CCBE1: variants seen among roughly 807,000 people sequenced by gnomAD.
The protein encoded by CCBE1 is collagen and calcium binding EGF domains 1.
CCBE1 carries 37 observed loss-of-function variants against 50.0 expected under a neutral mutation model. The ratio of observed to expected loss-of-function variants is 0.74; its 90% CI spans 0.57 to 0.97. The LOEUF is 0.97. Ranked by LOEUF, CCBE1 falls within the 50% of genes least tolerant of loss-of-function variation. The probability of loss-of-function intolerance (pLI) is 0.00; values close to 1 mark genes in which losing one functional copy is unlikely to be tolerated. For missense variants in CCBE1, 538 were observed against 523.8 expected, an observed-to-expected ratio of 1.03 and a Z score of -0.26; for synonymous variants, 234 against 203.7, an observed-to-expected ratio of 1.15 and a Z score of -1.27.
At chr18:59,466,953 TG>T in intron 4 of CCBE1, 62 bp from the exon 5 acceptor site, 1 of 1,434,358 alleles carries the variant, frequency 7.0e-7, no homozygotes, top group African/African-American at 1.4e-5. Flanking sequence ...ATACAACAGA[TG>T]ACATTGGGCT....
chr18:59,537,492 C>T (rs746205760), intron 2 of CCBE1, among the ~76,000 whole-genome samples: 10 of 152,302 alleles, frequency 6.6e-5, no homozygotes, highest in South Asian at 2.1e-4. Flanking sequence ...AAAACCCTTT[C>T]GCTTGGCTCT....
chr18:59,491,319 C>G (rs1022288380), intron 2 of CCBE1, among the ~76,000 whole-genome samples: 2 of 152,220 alleles, frequency 1.3e-5, no homozygotes, highest in African/African-American at 4.8e-5. Flanking sequence ...ATTGCTCCCC[C>G]ACCTTTTTCC....
At chr18:59,575,603 A>G (rs1199079279) in intron 2 of CCBE1, among the ~76,000 whole-genome samples, 1 of 152,234 alleles carries the variant, frequency 6.6e-6, no homozygotes, top group Non-Finnish European at 1.5e-5. Flanking sequence ...GCAAGAGAAT[A>G]AAGACCAGTT....
At chr18:59,459,165 G>A (rs1300723669) in intron 5 of CCBE1, 6 of 152,052 alleles carry the variant, frequency 3.9e-5, no homozygotes, top group South Asian at 2.1e-4. Flanking sequence ...ATTTATTGTC[G>A]GTATTACTAT....
chr18:59,477,939 A>T lies in CCBE1; in HGVS notation c.265+2247T>A, dbSNP rs958917315. ...GGCCAAAGTGTCCAAATATTAGGTC[A>T]AACATTATTCTACGTGCTTCTGTGA... On this transcript the variant is annotated intron_variant, in intron 3 of 10. Coordinates refer to ENST00000439986, the MANE Select transcript of CCBE1 (RefSeq NM_133459.4). Among the ~76,000 whole-genome samples the T allele has an allele frequency of 2.3e-4, 35 of 152,220 alleles. 1 individual carries two copies. The highest frequency in any genetic ancestry group is 1.0e-4 in the Non-Finnish European group (7 of 68,042).
At position 59,435,073 on chromosome 18, in the gene CCBE1, A is replaced by T. The variant is rs542982078; in HGVS notation, c.*835T>A. ...ATTTATAGAGCAGACTCCACTGTTG[A>T]TTAAACAGCTTTAAAATATTATAGC... is the stretch of plus-strand genomic sequence containing the variant. On this transcript the variant is annotated 3_prime_UTR_variant, in exon 11 of 11. Transcript: ENST00000439986. The T allele has an allele frequency of 3.1e-4, 47 of 152,356 alleles. 1 individual carries two copies. The highest frequency in any genetic ancestry group is 1.1e-3 in the African/African-American group (46 of 41,582). The allele number at this position is 152,356 out of a possible 1,614,324, so 9.4% of individuals were successfully genotyped here.
chr18:59,583,438 G>T (rs907607491), intron 2 of CCBE1, among the ~76,000 whole-genome samples: 1 of 152,148 alleles, frequency 6.6e-6, no homozygotes, highest in Non-Finnish European at 1.5e-5. Flanking sequence ...CTTCTCCTGG[G>T]GGTAGGAGGA....
chr18:59,562,203 ATG>A (rs1398654315), intron 2 of CCBE1, among the ~76,000 whole-genome samples: 1 of 96,748 alleles, frequency 1.0e-5, no homozygotes, highest in Non-Finnish European at 1.7e-5. Flanking sequence ...TCTTTCATGC[ATG>A]TGTGTATATA....
chr18:59,526,379 G>A (rs1055418787), intron 2 of CCBE1, among the ~76,000 whole-genome samples: 4 of 150,078 alleles, frequency 2.7e-5, no homozygotes, highest in Middle Eastern at 3.2e-3. Context: ...GCACCATCTC[G>A]GCTCACTGCA....
intron 2 of CCBE1, among the ~76,000 whole-genome samples, chr18:59,678,370 C>T (rs541490137): frequency 7.9e-5 from 12 of 152,200 alleles, no homozygotes; most frequent in African/African-American, 2.9e-4. Context: ...ATATTTTATA[C>T]TAAACATTTA....
intron 2 of CCBE1, among the ~76,000 whole-genome samples, chr18:59,575,180 C>A (rs1322198791): frequency 6.6e-6 from 1 of 152,292 alleles, no homozygotes; most frequent in South Asian, 2.1e-4. Context: ...ATGCCTTGAT[C>A]TCAGACTTCA....
intron 2 of CCBE1, among the ~76,000 whole-genome samples, chr18:59,646,966 G>C (rs2054062682): frequency 6.6e-6 from 1 of 152,226 alleles, no homozygotes; most frequent in South Asian, 2.1e-4. Context: ...ACCAGCCTCA[G>C]TAAAACCATG....
At chr18:59,592,720 G>A (rs1382529517) in intron 2 of CCBE1, among the ~76,000 whole-genome samples, 3 of 152,240 alleles carry the variant, frequency 2.0e-5, no homozygotes, top group Non-Finnish European at 4.4e-5. Context: ...AAAATATATT[G>A]GAGTAAGGAA....
chr18:59,622,219 T>C (rs1157029199), intron 2 of CCBE1, among the ~76,000 whole-genome samples: 1 of 152,252 alleles, frequency 6.6e-6, no homozygotes, highest in African/African-American at 2.4e-5. Context: ...CCATGAATAC[T>C]GTACAGATGG....
chr18:59,486,799 T>C (rs1308415010), intron 2 of CCBE1, among the ~76,000 whole-genome samples: 1 of 152,204 alleles, frequency 6.6e-6, no homozygotes, highest in African/African-American at 2.4e-5. Flanking sequence ...CCTATCATTT[T>C]CCTACTGCAA....
chr18:59,678,067 G>A (rs964417681), intron 2 of CCBE1, among the ~76,000 whole-genome samples: 18 of 152,140 alleles, frequency 1.2e-4, no homozygotes, highest in South Asian at 4.1e-4. Flanking sequence ...GGAAGTAAGC[G>A]TGTGCGATGG....
intron 2 of CCBE1, among the ~76,000 whole-genome samples, chr18:59,663,511 G>C (rs1040255017): frequency 1.3e-5 from 2 of 152,136 alleles, no homozygotes; most frequent in Non-Finnish European, 2.9e-5. Flanking sequence ...AGTTCTGTGA[G>C]GCTGGGCCTT....
At chr18:59,452,866 G>A (rs952731888) in intron 6 of CCBE1, among the ~76,000 whole-genome samples, 3 of 152,210 alleles carry the variant, frequency 2.0e-5, no homozygotes, top group African/African-American at 7.2e-5. Context: ...GCTTGGGATT[G>A]CCACAATGCA....
At position 59,668,516 on chromosome 18, in the gene CCBE1, A is replaced by G. The variant is rs533640129; in HGVS notation, c.212+28113T>C. 1.1e-4 allele frequency among the ~76,000 whole-genome samples: 16 copies of G among 152,222 alleles called. No individual in the cohort carries two copies. The South Asian group carries it at 3.1e-3, about 30-fold the overall frequency. On this transcript the variant is annotated intron_variant, in intron 2 of 10. Coordinates refer to ENST00000439986, the MANE Select transcript of CCBE1 (RefSeq NM_133459.4). ...ATGTAATCTGCTTTGTTCACATAATATATCATAAGCATATTTTCATCTCAG... is the reference window on the plus strand; with the variant it reads ...ATGTAATCTGCTTTGTTCACATAATGTATCATAAGCATATTTTCATCTCAG...
Sources: gnomAD v4.1 joint callset for allele counts (sites outside exome capture counted in the v4.1 genomes callset) on GRCh38, gnomAD v4.1.1 for gene constraint, MANE v1.5 for transcripts, NCBI Gene and HGNC (gene_info 2026-07-23, HGNC 2026-07-21) for gene names.